Variants in RBFOX1 observed in about 807,000 individuals in gnomAD.
The protein encoded by RBFOX1 is RNA binding fox-1 homolog 1, also known as RNA binding protein fox-1 homolog 1.
In RBFOX1, 8 loss-of-function variants were observed where a neutral mutation model predicts 57.7. That is an observed-to-expected ratio of 0.14 (90% confidence interval 0.08 to 0.25). RBFOX1 has a LOEUF of 0.25. Ranked by LOEUF, RBFOX1 falls within the 10% of genes least tolerant of loss-of-function variation. The pLI, the probability that RBFOX1 is intolerant of heterozygous loss-of-function variation, is 1.00. For synonymous variants in RBFOX1, 326 were observed against 222.4 expected (o/e 1.47, Z -4.15); for missense variants, 611 against 548.5 (o/e 1.11, Z -1.14).
intron 3 of RBFOX1, among the ~76,000 whole-genome samples, chr16:5,808,671 C>A (rs1317617901): frequency 6.6e-6 from 1 of 152,114 alleles, no homozygotes; most frequent in Non-Finnish European, 1.5e-5. Context: ...ATTTTATTCT[C>A]TTTGAAGCAA....
At chr16:6,493,155 G>C (rs868504901) in intron 2 of RBFOX1, among the ~76,000 whole-genome samples, 1 of 152,084 alleles carries the variant, frequency 6.6e-6, no homozygotes. Flanking sequence ...ACCAACATAG[G>C]TATTCTGTGT....
At chr16:6,992,173 G>T (rs877762) in intron 3 of RBFOX1, among the ~76,000 whole-genome samples, 109,852 of 150,132 alleles carry the variant, frequency 0.73, 40,326 homozygotes, top group South Asian at 0.78. Context: ...GCAATTTTTT[G>T]TTTTTTTTGA....
intron 2 of RBFOX1, among the ~76,000 whole-genome samples, chr16:5,502,746 G>T (rs971125411): frequency 2.0e-5 from 3 of 152,154 alleles, no homozygotes; most frequent in Non-Finnish European, 2.9e-5. Context: ...TGCAGAGTCT[G>T]CAGTGCACCA....
At chr16:6,497,382 C>T (rs935865269) in intron 2 of RBFOX1, among the ~76,000 whole-genome samples, 2 of 152,058 alleles carry the variant, frequency 1.3e-5, no homozygotes, top group African/African-American at 4.8e-5. Flanking sequence ...TCTAAAAGTT[C>T]TTCATTTCTC....
chr16:6,517,246 T>A (rs1274643604), intron 2 of RBFOX1, among the ~76,000 whole-genome samples: 1 of 152,136 alleles, frequency 6.6e-6, no homozygotes, highest in African/African-American at 2.4e-5. Flanking sequence ...CAGCTCGCAT[T>A]TTGACATCAC....
intron 3 of RBFOX1, among the ~76,000 whole-genome samples, chr16:6,686,435 G>A (rs1442692688): frequency 6.6e-6 from 1 of 152,148 alleles, no homozygotes; most frequent in African/African-American, 2.4e-5. Context: ...GCAGGCCTCC[G>A]TTGTACTCAC....
At chr16:6,306,991 C>A (rs1434642264) in intron 1 of RBFOX1, among the ~76,000 whole-genome samples, 1 of 151,736 alleles carries the variant, frequency 6.6e-6, no homozygotes, top group Non-Finnish European at 1.5e-5. Flanking sequence ...AAGGCACCAC[C>A]CAAAAAGTCA....
intron 3 of RBFOX1, among the ~76,000 whole-genome samples, chr16:5,704,763 T>A (rs925669819): frequency 6.6e-6 from 1 of 152,190 alleles, no homozygotes; most frequent in Non-Finnish European, 1.5e-5. Context: ...TTGGCCGGGT[T>A]ACTATGTGTG....
intron 1 of RBFOX1, among the ~76,000 whole-genome samples, chr16:5,247,190 A>G (rs569088015): frequency 1.3e-5 from 2 of 152,310 alleles, no homozygotes; most frequent in East Asian, 1.9e-4. Flanking sequence ...AGGAGGGGGA[A>G]AAGATTCACT....
At chr16:5,595,910 G>A (rs888480444) in intron 2 of RBFOX1, among the ~76,000 whole-genome samples, 4 of 152,206 alleles carry the variant, frequency 2.6e-5, no homozygotes, top group African/African-American at 9.7e-5. Context: ...ATGGAGAGGT[G>A]TAAAAGTGGC....
intron 4 of RBFOX1, among the ~76,000 whole-genome samples, chr16:7,479,621 G>C (rs1806798014): frequency 6.6e-6 from 1 of 152,184 alleles, no homozygotes; most frequent in African/African-American, 2.4e-5. Context: ...CCACAGCTCA[G>C]AGATGGAAGG....
chr16:6,272,253 C>T (rs569804304), intron 1 of RBFOX1, among the ~76,000 whole-genome samples: 1 of 152,204 alleles, frequency 6.6e-6, no homozygotes, highest in Admixed American at 6.5e-5. Flanking sequence ...AACACCCATT[C>T]ATGGCAAAAA....
chr16:6,225,927 G>A (rs181019133), intron 1 of RBFOX1, among the ~76,000 whole-genome samples: 1 of 152,128 alleles, frequency 6.6e-6, no homozygotes, highest in Non-Finnish European at 1.5e-5. Flanking sequence ...GTTAATGGGG[G>A]AATTAACCAT....
At chr16:6,382,689 A>G (rs1302644955) in intron 2 of RBFOX1, among the ~76,000 whole-genome samples, 3 of 152,080 alleles carry the variant, frequency 2.0e-5, no homozygotes, top group African/African-American at 7.2e-5. Flanking sequence ...GTGAAACCCC[A>G]TCTTTACTAA....
At chr16:6,748,056 C>CCATTTT (rs2074137810) in intron 3 of RBFOX1, among the ~76,000 whole-genome samples, 1 of 152,122 alleles carries the variant, frequency 6.6e-6, no homozygotes, top group Admixed American at 6.6e-5. Flanking sequence ...ATTTATTGAA[C>CCATTTT]CATTTTCCTG....
intron 4 of RBFOX1, among the ~76,000 whole-genome samples, chr16:7,173,436 C>T (rs1236861955): frequency 6.6e-6 from 1 of 152,158 alleles, no homozygotes; most frequent in East Asian, 1.9e-4. Context: ...TTCAGTGACT[C>T]TGAAAGGGAG....
intron 3 of RBFOX1, among the ~76,000 whole-genome samples, chr16:6,872,418 T>A (rs1468085721): frequency 6.6e-6 from 1 of 152,148 alleles, no homozygotes; most frequent in African/African-American, 2.4e-5. Context: ...TCGATCACCT[T>A]TTAACACTTT....
chr16:6,749,924 C>G (rs2074584509), intron 3 of RBFOX1, among the ~76,000 whole-genome samples: 3 of 152,166 alleles, frequency 2.0e-5, no homozygotes, highest in African/African-American at 4.8e-5. Flanking sequence ...AAGGGCCAAG[C>G]TGACTGTGTC....
chr16:7,263,664 G>A (rs1467187309), intron 4 of RBFOX1, among the ~76,000 whole-genome samples: 1 of 152,068 alleles, frequency 6.6e-6, no homozygotes, highest in Non-Finnish European at 1.5e-5. Flanking sequence ...GAGAGGCCGA[G>A]GCAGGTGGAT....
Sources: allele counts gnomAD v4.1 joint callset (sites outside exome capture counted in the v4.1 genomes callset), GRCh38; gene constraint gnomAD v4.1.1; transcripts MANE v1.5; gene names NCBI Gene and HGNC (gene_info 2026-07-23, HGNC 2026-07-21).